The following POC1B variants were observed in gnomAD, a reference collection of about 807,000 sequenced individuals.
POC1B encodes POC1 centriolar protein homolog B.
Under a neutral mutation model 60.6 loss-of-function variants are expected in POC1B, and 44 were observed. That is an observed-to-expected ratio of 0.73 (90% CI 0.57 to 0.93). The LOEUF is 0.93. Among genes scored for constraint, POC1B ranks in the 40% least tolerant of loss-of-function variants. The pLI is 0.00. For synonymous variants in POC1B, 180 were observed against 198.9 expected (o/e 0.90, Z 0.80); for missense variants, 555 against 572.3 (o/e 0.97, Z 0.31).
At chr12:89,459,794 G>A (rs1029405020) in intron 9 of POC1B, 76 bp from the exon 10 acceptor site, 11 of 801,230 alleles carry the variant, frequency 1.4e-5, no homozygotes, top group Non-Finnish European at 2.1e-5. Flanking sequence ...AAAACCTGGA[G>A]GGCATTTTCT....
chr12:89,475,908 T>C (rs940768456), intron 4 of POC1B, among the ~76,000 whole-genome samples: 1 of 125,492 alleles, frequency 8.0e-6, no homozygotes, highest in Non-Finnish European at 1.6e-5. Flanking sequence ...AATGAGGGAA[T>C]TCTTTTTTTT....
intron 9 of POC1B, chr12:89,460,977 A>C (rs1400563871): frequency 1.3e-5 from 2 of 152,170 alleles, no homozygotes; most frequent in Non-Finnish European, 2.9e-5. Flanking sequence ...TATCAAATGA[A>C]TGGTACCAAT....
intron 2 of POC1B, among the ~76,000 whole-genome samples, chr12:89,511,689 TC>T (rs2135758701): frequency 6.6e-6 from 1 of 152,196 alleles, no homozygotes; most frequent in South Asian, 2.1e-4. Flanking sequence ...TCTAAAGAAA[TC>T]TATGAGAATG....
chr12:89,438,451 C>T (rs958389293), intron 10 of POC1B, among the ~76,000 whole-genome samples: 4 of 152,150 alleles, frequency 2.6e-5, no homozygotes, highest in Admixed American at 2.0e-4. Context: ...AGCGAGACTC[C>T]GTCTCAAAAA....
chr12:89,404,369 G>A, the POC1B span, among the ~76,000 whole-genome samples: 1 of 152,102 alleles, frequency 6.6e-6, no homozygotes, highest in Non-Finnish European at 1.5e-5. Context: ...CAGCACAAGT[G>A]TTTGTCTTAC....
At chr12:89,411,497 T>C in the POC1B span, among the ~76,000 whole-genome samples, 1 of 152,246 alleles carries the variant, frequency 6.6e-6, no homozygotes. Flanking sequence ...TGGAAGCTAC[T>C]AAATTAGGAC....
intron 2 of POC1B, chr12:89,524,537 A>C (rs1341064575): frequency 3.7e-6 from 6 of 1,611,180 alleles, no homozygotes; most frequent in Non-Finnish European, 5.1e-6. Context: ...GCCCAAGTCC[A>C]CCTCACCGCC....
intron 10 of POC1B, among the ~76,000 whole-genome samples, chr12:89,446,250 C>T (rs1881780433): frequency 6.6e-6 from 1 of 152,194 alleles, no homozygotes; most frequent in South Asian, 2.1e-4. Context: ...CATCCCATTA[C>T]TGGGTATATA....
intron 2 of POC1B, chr12:89,501,062 T>A: frequency 9.1e-7 from 1 of 1,098,324 alleles, no homozygotes. Flanking sequence ...GGGATTACTA[T>A]ACCAAGAAAG....
chr12:89,485,275 G>A (rs550928717), intron 4 of POC1B: 152 of 152,318 alleles, frequency 1.0e-3, no homozygotes, highest in African/African-American at 3.5e-3. Flanking sequence ...AACACTCTGG[G>A]AGGCTGGGCC....
the POC1B span, among the ~76,000 whole-genome samples, chr12:89,412,598 A>G: frequency 6.6e-6 from 1 of 150,756 alleles, no homozygotes; most frequent in Admixed American, 6.6e-5. Context: ...ATCCGCTTGA[A>G]CCCGGGAGGT....
chr12:89,448,821 A>T (rs2120757582), intron 10 of POC1B, among the ~76,000 whole-genome samples: 1 of 152,306 alleles, frequency 6.6e-6, no homozygotes, highest in South Asian at 2.1e-4. Context: ...GTGTGTGATG[A>T]AGTCTGGTGT....
At chr12:89,438,866 T>C (rs1881390305) in intron 10 of POC1B, among the ~76,000 whole-genome samples, 1 of 152,256 alleles carries the variant, frequency 6.6e-6, no homozygotes, top group African/African-American at 2.4e-5. Context: ...CACAACTGCA[T>C]GTCTGATAGG....
chr12:89,480,677 G>A (rs1206086931), intron 4 of POC1B, among the ~76,000 whole-genome samples: 2 of 141,494 alleles, frequency 1.4e-5, no homozygotes, highest in Non-Finnish European at 3.0e-5. Flanking sequence ...TCGGCTCACT[G>A]CAGGCTCCGC....
chr12:89,438,458 A>AAAACAAACAAAC (rs373774915), intron 10 of POC1B, among the ~76,000 whole-genome samples: 1 of 152,216 alleles, frequency 6.6e-6, no homozygotes, highest in African/African-American at 2.4e-5. Context: ...CTCCGTCTCA[A>AAAACAAACAAAC]AAACAAACAA....
intron 10 of POC1B, among the ~76,000 whole-genome samples, chr12:89,458,174 C>G (rs1882332874): frequency 6.6e-6 from 1 of 152,196 alleles, no homozygotes; most frequent in Non-Finnish European, 1.5e-5. Flanking sequence ...CTGACTACCT[C>G]ACAAGGAGGC....
chr12:89,491,548 C>T (rs1868970198), intron 4 of POC1B, among the ~76,000 whole-genome samples: 2 of 147,768 alleles, frequency 1.4e-5, no homozygotes, highest in Non-Finnish European at 3.0e-5. Flanking sequence ...CACCTGAACC[C>T]AGGAAGTCAA....
chr12:89,497,407 C>T (rs2135743417), intron 2 of POC1B, 65 bp from the exon 3 acceptor site: 2 of 1,474,810 alleles, frequency 1.4e-6, no homozygotes, highest in Non-Finnish European at 1.9e-6. Context: ...TGTCTCATTA[C>T]AATGAGCAGC....
In POC1B at chr12:89,515,316, G is replaced by T. The variant is rs142693734; in HGVS notation, c.100+9804C>A. On this transcript the variant is annotated intron_variant, in intron 2 of 11. Coordinates refer to ENST00000313546, the MANE Select transcript of POC1B (RefSeq NM_172240.3). ...ATTTATTTATTTTTATTAATTTTTT[G>T]AAGATAGGGGTCCCACTATGTTCCC... Among the ~76,000 whole-genome samples, 111 of 152,030 alleles carry T rather than the reference G, an allele frequency of 7.3e-4. 3 individuals are homozygous for T. In the East Asian group the frequency reaches 0.013, roughly 17 times the overall value.
Sources: gnomAD v4.1 joint callset for allele counts (sites outside exome capture counted in the v4.1 genomes callset) on GRCh38, gnomAD v4.1.1 for gene constraint, MANE v1.5 for transcripts, NCBI Gene and HGNC (gene_info 2026-07-23, HGNC 2026-07-21) for gene names.